PDSS2: variants seen among roughly 807,000 people sequenced by gnomAD.
The protein encoded by PDSS2 is decaprenyl diphosphate synthase subunit 2.
In PDSS2, 31 loss-of-function variants were observed where a neutral mutation model predicts 44.5. That is an observed-to-expected ratio of 0.70 (90% confidence interval 0.52 to 0.94). The LOEUF (loss-of-function observed/expected upper bound fraction) is 0.94, where lower values mean the gene tolerates loss of function less well. PDSS2 is among the 40% of genes least tolerant of loss of function. The pLI is 0.00. For missense variants in PDSS2, 452 were observed against 482.2 expected, an observed-to-expected ratio of 0.94 and a Z score of 0.59; for synonymous variants, 157 against 180.3, an observed-to-expected ratio of 0.87 and a Z score of 1.03.
At position 107,429,895 on chromosome 6, in the gene PDSS2, AAAAAAAATATATAT is replaced by A. The variant is rs1405945592; in HGVS notation, c.296+29081_296+29094del. Among the ~76,000 whole-genome samples, 87 of 41,626 alleles carry A rather than the reference AAAAAAAATATATAT, an allele frequency of 2.1e-3. 3 individuals carry two copies. Among genetic ancestry groups the A allele is most frequent in the East Asian group, 9.1e-3 (9 of 994 alleles). The allele number at this position is 41,626 out of a possible 152,430, so 27.3% of individuals were successfully genotyped here. Reference sequence around the variant, plus strand: ...GCAAAACTTAGTCTCAAAAAAAAAAAAAAAAAATATATATATATATATATATATATATATATATA... The same window carrying A: ...GCAAAACTTAGTCTCAAAAAAAAAAAATATATATATATATATATATATATA... On this transcript the variant is annotated intron_variant, in intron 1 of 7. Transcript: ENST00000369037.
In PDSS2 at chr6:107,455,077, C is replaced by A. The variant is rs1348814276; in HGVS notation, c.296+3913G>T. On this transcript the variant is annotated intron_variant, in intron 1 of 7. Transcript: ENST00000369037. ...CTCTTTCTTTTCTTACAAAATACAG[C>A]AACACATACATGCTAGGACAACTTT... Among the ~76,000 whole-genome samples, 5 of 152,028 alleles carry A rather than the reference C, an allele frequency of 3.3e-5. No homozygotes were observed. The East Asian group carries it at 9.7e-4, about 29-fold the overall frequency.
At chr6:107,342,863 G>C (rs1228642749) in intron 1 of PDSS2, among the ~76,000 whole-genome samples, 7 of 152,212 alleles carry the variant, frequency 4.6e-5, no homozygotes, top group Non-Finnish European at 1.0e-4. Flanking sequence ...TCATCCTTGA[G>C]TAAGCTCAAA....
chr6:107,329,067 C>T (rs1777635385), intron 2 of PDSS2, among the ~76,000 whole-genome samples: 1 of 152,186 alleles, frequency 6.6e-6, no homozygotes. Context: ...GGCTGACTCT[C>T]TATCTTGGAC....
intron 1 of PDSS2, among the ~76,000 whole-genome samples, chr6:107,364,940 C>T (rs543618233): frequency 1.6e-4 from 24 of 152,220 alleles, no homozygotes; most frequent in African/African-American, 5.5e-4. Flanking sequence ...ACTTAAAGTC[C>T]TGGGGGAGGC....
At chr6:107,344,254 A>C (rs1308923979) in intron 1 of PDSS2, among the ~76,000 whole-genome samples, 1 of 152,120 alleles carries the variant, frequency 6.6e-6, no homozygotes, top group African/African-American at 2.4e-5. Context: ...AAAGAAAAAA[A>C]CACTCCATGA....
chr6:107,258,391 TG>T (rs35803219), intron 3 of PDSS2, among the ~76,000 whole-genome samples: 36,093 of 151,850 alleles, frequency 0.24, 5,689 homozygotes, highest in Middle Eastern at 0.47. Flanking sequence ...CTACAACATT[TG>T]GAACCATAGA....
At chr6:107,425,877 C>T (rs1200480511) in intron 1 of PDSS2, among the ~76,000 whole-genome samples, 4 of 151,440 alleles carry the variant, frequency 2.6e-5, no homozygotes, top group Non-Finnish European at 4.4e-5. Context: ...AGGAGAATGG[C>T]GTGAGCCTGG....
chr6:107,429,121 T>C (rs1781092080), intron 1 of PDSS2, among the ~76,000 whole-genome samples: 1 of 152,122 alleles, frequency 6.6e-6, no homozygotes, highest in Admixed American at 6.5e-5. Flanking sequence ...ACATTTAACC[T>C]AGAGAAATCA....
Position 107,295,527 on chromosome 6 carries a change from G to C in PDSS2, c.432-21300C>G, listed in dbSNP as rs1318610321. Reference sequence around the variant, plus strand: ...CCGCGTTGGCTAAGTGCTTTATATAGACTGTTTCATGTAATACCTCCAACA... The same window carrying C: ...CCGCGTTGGCTAAGTGCTTTATATACACTGTTTCATGTAATACCTCCAACA... On this transcript the variant is annotated intron_variant, in intron 2 of 7. Coordinates refer to ENST00000369037, the MANE Select transcript of PDSS2 (RefSeq NM_020381.4). Among the ~76,000 whole-genome samples the C allele has an allele frequency of 2.0e-5, 3 of 152,246 alleles. No homozygotes were observed. The East Asian group carries it at 5.8e-4, about 29-fold the overall frequency.
At chr6:107,189,661 G>A (rs1044293543) in intron 7 of PDSS2, among the ~76,000 whole-genome samples, 6 of 152,064 alleles carry the variant, frequency 3.9e-5, no homozygotes, top group African/African-American at 1.2e-4. Flanking sequence ...TTTATTGCAC[G>A]GCAAGAAAAG....
chr6:107,159,608 T>C (rs889842930), intron 7 of PDSS2, among the ~76,000 whole-genome samples: 2 of 151,304 alleles, frequency 1.3e-5, no homozygotes, highest in Admixed American at 1.3e-4. Context: ...TTAGTAGAGG[T>C]GGGGTTTCAC....
At chr6:107,219,197 T>G (rs1333478284) in intron 4 of PDSS2, among the ~76,000 whole-genome samples, 1 of 152,200 alleles carries the variant, frequency 6.6e-6, no homozygotes, top group Non-Finnish European at 1.5e-5. Context: ...TCCCATCTCC[T>G]ACACAAAATA....
chr6:107,405,629 C>T (rs944081574), intron 1 of PDSS2, among the ~76,000 whole-genome samples: 2 of 151,998 alleles, frequency 1.3e-5, no homozygotes, highest in African/African-American at 4.8e-5. Context: ...GGGCGGATCA[C>T]GAGGTCAGGA....
At chr6:107,393,007 A>G (rs1175894758) in intron 1 of PDSS2, among the ~76,000 whole-genome samples, 1 of 151,998 alleles carries the variant, frequency 6.6e-6, no homozygotes, top group Non-Finnish European at 1.5e-5. Flanking sequence ...AAAAAACAGT[A>G]TTTGGTTTTA....
intron 3 of PDSS2, among the ~76,000 whole-genome samples, chr6:107,271,857 C>A (rs896366615): frequency 6.6e-6 from 1 of 151,958 alleles, no homozygotes; most frequent in Non-Finnish European, 1.5e-5. Context: ...GAGTTCAAGA[C>A]CAGCCTGGGC....
At chr6:107,440,341 A>G in intron 1 of PDSS2, among the ~76,000 whole-genome samples, 1 of 152,240 alleles carries the variant, frequency 6.6e-6, no homozygotes, top group East Asian at 1.9e-4. Context: ...ACTTCCCAAC[A>G]AAAGTGAGGC....
At position 107,212,362 on chromosome 6, in the gene PDSS2, TAAG is replaced by T. The variant is rs931374513; in HGVS notation, c.703-83_703-81del. 1.3e-5 allele frequency: 15 copies of T among 1,198,098 alleles called. No individual in the cohort carries two copies. In the African/African-American group the frequency reaches 2.3e-4, roughly 18 times the overall value. 74.2% of individuals were successfully genotyped at this position (1,198,098 alleles called of 1,614,324 possible). On this transcript the variant is annotated intron_variant, in intron 4 of 7. Coordinates refer to ENST00000369037, the MANE Select transcript of PDSS2 (RefSeq NM_020381.4). ...TTCTGTTTTTGAAGAATAAAAAAGTTAAGAAACGAACTATTCAAAAACACTCAG... is the reference window on the plus strand; with the variant it reads ...TTCTGTTTTTGAAGAATAAAAAAGTTAAACGAACTATTCAAAAACACTCAG...
At chr6:107,291,103 C>T (rs752758280) in intron 2 of PDSS2, among the ~76,000 whole-genome samples, 7 of 151,620 alleles carry the variant, frequency 4.6e-5, no homozygotes, top group Non-Finnish European at 7.4e-5. Context: ...GTGATGATAA[C>T]CTTTAACTAA....
intron 2 of PDSS2, among the ~76,000 whole-genome samples, chr6:107,320,501 C>G (rs1426082352): frequency 3.9e-5 from 6 of 152,098 alleles, no homozygotes; most frequent in African/African-American, 1.4e-4. Context: ...ACACTTTACT[C>G]TTTGTCTATA....
Sources: allele counts gnomAD v4.1 joint callset (sites outside exome capture counted in the v4.1 genomes callset), GRCh38; gene constraint gnomAD v4.1.1; transcripts MANE v1.5; gene names NCBI Gene and HGNC (gene_info 2026-07-23, HGNC 2026-07-21).